RBFOX1: variants seen among roughly 807,000 people sequenced by gnomAD.
RBFOX1 encodes the protein RNA binding protein fox-1 homolog 1.
RBFOX1 carries 8 observed loss-of-function variants against 57.7 expected under a neutral mutation model. The ratio of observed to expected loss-of-function variants is 0.14; its 90% CI spans 0.08 to 0.25. The LOEUF (loss-of-function observed/expected upper bound fraction) is 0.25. Among genes scored for constraint, RBFOX1 ranks in the 10% least tolerant of loss-of-function variants. The pLI is 1.00. For missense variants in RBFOX1, 611 were observed against 548.5 expected, an observed-to-expected ratio of 1.11 and a Z score of -1.14; for synonymous variants, 326 against 222.4, an observed-to-expected ratio of 1.47 and a Z score of -4.15.
chr16:6,818,808 T>G (rs1360257331), intron 3 of RBFOX1, among the ~76,000 whole-genome samples: 2 of 152,174 alleles, frequency 1.3e-5, no homozygotes, highest in African/African-American at 2.4e-5. Context: ...CCTCCTGGCC[T>G]CCCTGACTGG....
At chr16:6,906,678 G>C (rs1329367108) in intron 3 of RBFOX1, among the ~76,000 whole-genome samples, 6 of 151,766 alleles carry the variant, frequency 4.0e-5, no homozygotes. Flanking sequence ...CTTAAAAAGA[G>C]CCTAGTTCAG....
intron 1 of RBFOX1, among the ~76,000 whole-genome samples, chr16:5,267,232 A>C (rs2062881463): frequency 1.3e-5 from 2 of 152,174 alleles, no homozygotes; most frequent in Non-Finnish European, 2.9e-5. Flanking sequence ...TCATGCTCTT[A>C]ACATACACCC....
intron 3 of RBFOX1, among the ~76,000 whole-genome samples, chr16:6,737,096 G>C (rs2070595004): frequency 6.6e-6 from 1 of 152,144 alleles, no homozygotes; most frequent in Non-Finnish European, 1.5e-5. Context: ...AATCAGTTCT[G>C]AGTAAGATAG....
intron 2 of RBFOX1, among the ~76,000 whole-genome samples, chr16:6,601,387 C>T (rs547658724): frequency 2.6e-5 from 4 of 152,176 alleles, no homozygotes; most frequent in Non-Finnish European, 5.9e-5. Context: ...GTGAGAGTTA[C>T]GGTGCTTTTG....
At chr16:7,028,704 A>G (rs1188669634) in intron 3 of RBFOX1, among the ~76,000 whole-genome samples, 1 of 151,580 alleles carries the variant, frequency 6.6e-6, no homozygotes, top group Non-Finnish European at 1.5e-5. Context: ...ATGTGAACCA[A>G]CTGTGAATTA....
intron 3 of RBFOX1, among the ~76,000 whole-genome samples, chr16:5,618,905 TG>T (rs1409743415): frequency 2.0e-5 from 3 of 152,174 alleles, no homozygotes; most frequent in African/African-American, 7.2e-5. Context: ...GGCAGGATCA[TG>T]GGATCTGGAG....
chr16:6,289,626 C>T (rs1166951110), intron 1 of RBFOX1, among the ~76,000 whole-genome samples: 1 of 152,076 alleles, frequency 6.6e-6, no homozygotes, highest in Non-Finnish European at 1.5e-5. Flanking sequence ...GTTTAATCCA[C>T]AAACAAGACT....
intron 3 of RBFOX1, among the ~76,000 whole-genome samples, chr16:5,843,073 C>T (rs1024964640): frequency 6.6e-5 from 10 of 152,152 alleles, no homozygotes; most frequent in South Asian, 2.1e-4. Flanking sequence ...GTGATTCACC[C>T]GCCTTGGCCT....
At chr16:7,317,127 A>G (rs1395046070) in intron 4 of RBFOX1, among the ~76,000 whole-genome samples, 1 of 152,068 alleles carries the variant, frequency 6.6e-6, no homozygotes, top group Non-Finnish European at 1.5e-5. Context: ...TCAAGTAGGA[A>G]GTCACTGCGA....
rs139843644 is a variant in RBFOX1 at position 6,705,075 on chromosome 16, T to G, written c.-16+50425T>G. ...CCAGATGCACTAAGCAGCTTGATGG[T>G]CAGTAATGAGGCAGCACCAGGACCC... On this transcript the variant is annotated intron_variant, in intron 3 of 15. Coordinates refer to ENST00000550418, the MANE Select transcript of RBFOX1 (RefSeq NM_018723.4). The G allele has an allele frequency of 3.4e-4, 51 of 152,174 alleles. 1 individual carries two copies. Among genetic ancestry groups the G allele is most frequent in the African/African-American group, 1.2e-3 (48 of 41,514 alleles). 9.4% of individuals were successfully genotyped at this position (152,174 alleles called of 1,614,324 possible).
At chr16:7,321,735 T>G (rs1015294604) in intron 4 of RBFOX1, among the ~76,000 whole-genome samples, 1 of 152,224 alleles carries the variant, frequency 6.6e-6, no homozygotes, top group African/African-American at 2.4e-5. Flanking sequence ...TAAAATAGAT[T>G]GTCATGTAAG....
In RBFOX1 at chr16:6,097,836, G is replaced by A. The variant is rs1162426184; in HGVS notation, c.-127+77844G>A. ...TATCACCGTACTTACTGGTGGAGTG[G>A]AAGTCCCTTGGAAGTGGGGGACGTG... On this transcript the variant is annotated intron_variant, in intron 1 of 15. Coordinates refer to ENST00000550418, the MANE Select transcript of RBFOX1 (RefSeq NM_018723.4). This position sits in a 1 kb window ranked among gnomAD's most constrained non-coding sequence, Gnocchi z 5.0. Among the ~76,000 whole-genome samples the A allele has an allele frequency of 6.6e-6, 1 of 151,934 alleles. No individual in the cohort carries two copies. Among genetic ancestry groups the A allele is most frequent in the Non-Finnish European group, 1.5e-5 (1 of 68,016 alleles).
intron 2 of RBFOX1, among the ~76,000 whole-genome samples, chr16:6,446,248 C>T (rs1263205143): frequency 6.6e-6 from 1 of 152,184 alleles, no homozygotes; most frequent in African/African-American, 2.4e-5. Context: ...AAGCAGTCCT[C>T]CTGCTTAGCT....
At chr16:5,703,657 A>C (rs1020797170) in intron 3 of RBFOX1, among the ~76,000 whole-genome samples, 1 of 152,188 alleles carries the variant, frequency 6.6e-6, no homozygotes, top group African/African-American at 2.4e-5. Context: ...TGAATAGGTT[A>C]CTTAACTCTC....
intron 3 of RBFOX1, among the ~76,000 whole-genome samples, chr16:6,835,128 C>G (rs945233388): frequency 3.3e-5 from 5 of 152,056 alleles, no homozygotes; most frequent in Non-Finnish European, 7.4e-5. Flanking sequence ...GTCTCAATCT[C>G]CTGACCCTGT....
chr16:6,977,300 AATT>A (rs1354760210), intron 3 of RBFOX1, among the ~76,000 whole-genome samples: 4 of 151,634 alleles, frequency 2.6e-5, no homozygotes, highest in South Asian at 2.1e-4. Flanking sequence ...TAATTTTCTT[AATT>A]ATTGTGTTTT....
chr16:7,575,765 T>C (rs1315557693), intron 5 of RBFOX1, among the ~76,000 whole-genome samples: 1 of 152,150 alleles, frequency 6.6e-6, no homozygotes, highest in South Asian at 2.1e-4. Flanking sequence ...TAAATATGTT[T>C]TCCCCGGAAG....
At chr16:5,465,865 G>C (rs1335681606) in intron 1 of RBFOX1, among the ~76,000 whole-genome samples, 1 of 152,198 alleles carries the variant, frequency 6.6e-6, no homozygotes, top group East Asian at 1.9e-4. Flanking sequence ...AGAATGGCCA[G>C]ATATGTTGTG....
At position 7,074,673 on chromosome 16, in the gene RBFOX1, C is replaced by G. The variant is rs935677894; in HGVS notation, c.27+22575C>G. 4.6e-5 allele frequency among the ~76,000 whole-genome samples: 7 copies of G among 152,184 alleles called. No individual in the cohort carries two copies. In the East Asian group the frequency reaches 7.7e-4, roughly 17 times the overall value. On this transcript the variant is annotated intron_variant, in intron 4 of 15. Coordinates refer to ENST00000550418, the MANE Select transcript of RBFOX1 (RefSeq NM_018723.4). ...AAAAAACCATTTTAAGGAATAAAAGCTAAGATTTTCCAAATTTGGTGAAAA... is the reference window on the plus strand; with the variant it reads ...AAAAAACCATTTTAAGGAATAAAAGGTAAGATTTTCCAAATTTGGTGAAAA...
Sources: gnomAD v4.1 joint callset for allele counts (sites outside exome capture counted in the v4.1 genomes callset) on GRCh38, gnomAD v4.1.1 for gene constraint, Gnocchi (gnomAD v3.1) non-coding constraint, MANE v1.5 for transcripts, NCBI Gene and HGNC (gene_info 2026-07-23, HGNC 2026-07-21) for gene names.